The following PRKAR1B variants were observed in gnomAD, a reference collection of about 807,000 sequenced individuals.
PRKAR1B encodes the protein protein kinase cAMP-dependent type I regulatory subunit beta.
Under a neutral mutation model 46.5 loss-of-function variants are expected in PRKAR1B, and 22 were observed. The ratio of observed to expected loss-of-function variants is 0.47; its 90% CI spans 0.34 to 0.68. The LOEUF (loss-of-function observed/expected upper bound fraction) is 0.68, where lower values mean the gene tolerates loss of function less well. PRKAR1B is among the 30% of genes least tolerant of loss of function. The probability of loss-of-function intolerance (pLI) is 0.01; values close to 1 mark genes in which losing one functional copy is unlikely to be tolerated. For missense variants in PRKAR1B, 445 were observed against 535.6 expected, an observed-to-expected ratio of 0.83 and a Z score of 1.67; for synonymous variants, 259 against 217.7, an observed-to-expected ratio of 1.19 and a Z score of -1.67.
At chr7:578,734 T>C (rs1419082393) in intron 9 of PRKAR1B, 1 of 168,362 alleles carries the variant, frequency 5.9e-6, no homozygotes, top group Non-Finnish European at 1.3e-5. Context: ...CATGCTGGAG[T>C]GCAATGGTGT....
chr7:624,735 G>T (rs982995434), intron 4 of PRKAR1B, among the ~76,000 whole-genome samples: 15 of 152,208 alleles, frequency 9.9e-5, no homozygotes, highest in African/African-American at 3.4e-4. Context: ...TGATCAAACT[G>T]CAAGGAGAAA....
At chr7:726,277 A>T (rs1583466584) in intron 1 of PRKAR1B, among the ~76,000 whole-genome samples, 1 of 152,290 alleles carries the variant, frequency 6.6e-6, no homozygotes, top group South Asian at 2.1e-4. Flanking sequence ...AGTCCACAGA[A>T]CCAGCGTCCT....
chr7:634,606 C>T (rs1195027024), intron 4 of PRKAR1B, among the ~76,000 whole-genome samples: 2 of 150,238 alleles, frequency 1.3e-5, no homozygotes, highest in Non-Finnish European at 2.9e-5. Flanking sequence ...CCCAGTGAAG[C>T]ATTTAAGGCG....
At chr7:670,454 C>T (rs1242882512) in intron 4 of PRKAR1B, among the ~76,000 whole-genome samples, 1 of 152,256 alleles carries the variant, frequency 6.6e-6, no homozygotes, top group Non-Finnish European at 1.5e-5. Flanking sequence ...AAGAGCTAGG[C>T]GGCCTGGGCC....
chr7:567,967 C>T (rs1779278184), intron 9 of PRKAR1B, among the ~76,000 whole-genome samples: 1 of 152,182 alleles, frequency 6.6e-6, no homozygotes, highest in Admixed American at 6.5e-5. Flanking sequence ...GACAGCCACA[C>T]AGCAAAATGA....
intron 1 of PRKAR1B, 167 bp downstream of exon 1, chr7:727,043 C>T: frequency 9.0e-7 from 1 of 1,109,444 alleles, no homozygotes; most frequent in African/African-American, 1.7e-5. Context: ...CGCCGCGCCG[C>T]GCGGCCCCGC....
At chr7:653,898 CCAT>C (rs1318631249) in intron 4 of PRKAR1B, among the ~76,000 whole-genome samples, 1 of 151,392 alleles carries the variant, frequency 6.6e-6, no homozygotes, top group African/African-American at 2.4e-5. Flanking sequence ...ACCATCACTA[CCAT>C]CATCACCATC....
intron 2 of PRKAR1B, among the ~76,000 whole-genome samples, chr7:689,875 G>GT (rs966916713): frequency 4.0e-5 from 6 of 151,732 alleles, no homozygotes; most frequent in Non-Finnish European, 7.4e-5. Flanking sequence ...AGAGAACTGG[G>GT]TTTTACCATG....
intron 2 of PRKAR1B, among the ~76,000 whole-genome samples, chr7:706,962 G>A (rs568156472): frequency 1.3e-5 from 2 of 152,344 alleles, no homozygotes; most frequent in Admixed American, 6.5e-5. Flanking sequence ...GGCTGGCCTC[G>A]AGGGGGTGGC....
chr7:722,663 C>T (rs113041435), intron 1 of PRKAR1B, among the ~76,000 whole-genome samples: 65 of 152,396 alleles, frequency 4.3e-4, no homozygotes, highest in Admixed American at 1.4e-3. Context: ...TGAGCCACCG[C>T]GCCCAGCTGG....
intron 9 of PRKAR1B, among the ~76,000 whole-genome samples, chr7:569,626 C>A (rs1355109707): frequency 1.3e-5 from 2 of 152,158 alleles, no homozygotes; most frequent in Non-Finnish European, 2.9e-5. Flanking sequence ...GGGTCAGAGC[C>A]GGGTGGACCT....
At chr7:575,984 C>T (rs774551860) in intron 9 of PRKAR1B, among the ~76,000 whole-genome samples, 13 of 152,062 alleles carry the variant, frequency 8.5e-5, no homozygotes, top group Admixed American at 2.0e-4. Context: ...CAAATGTGCA[C>T]GCTGGCATCC....
intron 1 of PRKAR1B, among the ~76,000 whole-genome samples, chr7:720,971 C>T (rs182178272): frequency 6.6e-5 from 10 of 152,276 alleles, no homozygotes; most frequent in Admixed American, 2.0e-4. Context: ...TTAGGGCTTA[C>T]GCTTGCCATT....
At chr7:630,128 C>T (rs538659775) in intron 4 of PRKAR1B, among the ~76,000 whole-genome samples, 4 of 152,378 alleles carry the variant, frequency 2.6e-5, no homozygotes, top group African/African-American at 9.6e-5. Context: ...AAGCACAGGC[C>T]GGGCCTTGGA....
chr7:557,772 G>A (rs927742278), intron 9 of PRKAR1B, among the ~76,000 whole-genome samples: 1 of 152,170 alleles, frequency 6.6e-6, no homozygotes, highest in Non-Finnish European at 1.5e-5. Flanking sequence ...ACTGCCACGA[G>A]GCAGCACAGA....
intron 9 of PRKAR1B, among the ~76,000 whole-genome samples, chr7:564,114 G>C (rs946274375): frequency 1.3e-5 from 2 of 152,102 alleles, no homozygotes; most frequent in African/African-American, 4.8e-5. Context: ...TCCCCACAGA[G>C]ACCATACCCC....
intron 4 of PRKAR1B, among the ~76,000 whole-genome samples, chr7:676,621 G>A (rs1051163097): frequency 2.6e-5 from 4 of 152,224 alleles, no homozygotes; most frequent in African/African-American, 9.7e-5. Context: ...ACTCAGCTCG[G>A]CAGCAGGGCA....
At chr7:676,830 G>A (rs1225155202) in intron 4 of PRKAR1B, among the ~76,000 whole-genome samples, 2 of 151,342 alleles carry the variant, frequency 1.3e-5, no homozygotes, top group Admixed American at 6.6e-5. Context: ...CTACCTCCCC[G>A]AGGGCAAGGA....
chr7:612,956 C>T (rs908075863), intron 4 of PRKAR1B, among the ~76,000 whole-genome samples: 10 of 151,788 alleles, frequency 6.6e-5, no homozygotes, highest in African/African-American at 1.9e-4. Flanking sequence ...TAATATTCAC[C>T]GAAGCACTGT....
Sources: gnomAD v4.1 joint callset for allele counts (sites outside exome capture counted in the v4.1 genomes callset) on GRCh38, gnomAD v4.1.1 for gene constraint, MANE v1.5 for transcripts, NCBI Gene and HGNC (gene_info 2026-07-23, HGNC 2026-07-21) for gene names.